The following RBM20 variants were observed in gnomAD, a reference collection of about 807,000 sequenced individuals.
RBM20 encodes the protein RNA-binding protein 20.
Under a neutral mutation model 110.1 loss-of-function variants are expected in RBM20, and 51 were observed. The observed-to-expected ratio is 0.46, with a 90% CI of 0.37 to 0.59. RBM20 has a LOEUF of 0.59. Ranked by LOEUF, RBM20 falls within the 20% of genes least tolerant of loss-of-function variation. RBM20 has a pLI of 0.00. For synonymous variants in RBM20, 589 were observed against 618.2 expected (o/e 0.95, Z 0.70); for missense variants, 1,512 against 1,574.9 (o/e 0.96, Z 0.68).
chr10:110,710,017 C>G (rs1021875976), intron 1 of RBM20, among the ~76,000 whole-genome samples: 3 of 152,196 alleles, frequency 2.0e-5, no homozygotes, highest in African/African-American at 7.2e-5. Context: ...TCCAGACCAG[C>G]TTTGCTCACA....
chr10:110,835,792 C>A, intron 13 of RBM20, 76 bp from the exon 14 acceptor site: 1 of 1,412,888 alleles, frequency 7.1e-7, no homozygotes, highest in Non-Finnish European at 9.7e-7. Context: ...ATGATTGAGG[C>A]ATGTCCGCTC....
intron 7 of RBM20, among the ~76,000 whole-genome samples, chr10:110,806,171 G>A (rs1844692038): frequency 1.3e-5 from 2 of 152,058 alleles, no homozygotes; most frequent in Admixed American, 6.5e-5. Context: ...GGGAAGCTGA[G>A]GCAGGAGAAT....
rs6585009 is a variant in RBM20 at position 110,771,200 on chromosome 10, A to C, written c.192-9601A>C. On this transcript the variant is annotated intron_variant, in intron 1 of 13. Transcript: ENST00000369519. ...GAGACAGAGTCTGGCTCTGTTGCCC[A>C]GGCTGGAGTGCAGTGGTGTGATCTC... 5.5e-3 allele frequency among the ~76,000 whole-genome samples: 833 copies of C among 151,896 alleles called. 6 individuals carry two copies. The highest frequency in any genetic ancestry group is 0.019 in the African/African-American group (796 of 41,386).
intron 5 of RBM20, among the ~76,000 whole-genome samples, chr10:110,791,546 C>A (rs1411292816): frequency 6.6e-6 from 1 of 152,200 alleles, no homozygotes; most frequent in Non-Finnish European, 1.5e-5. Flanking sequence ...CACCAAGGGG[C>A]AATGAAAGGT....
chr10:110,722,386 A>G (rs1305486880), intron 1 of RBM20, among the ~76,000 whole-genome samples: 1 of 151,346 alleles, frequency 6.6e-6, no homozygotes, highest in Non-Finnish European at 1.5e-5. Flanking sequence ...AGAGTGGTAC[A>G]GTTATTACAG....
intron 1 of RBM20, among the ~76,000 whole-genome samples, chr10:110,687,463 A>G (rs1004861546): frequency 2.0e-5 from 3 of 152,258 alleles, no homozygotes; most frequent in African/African-American, 7.2e-5. Context: ...TTAAATATAG[A>G]CATCTGATCC....
chr10:110,683,329 A>G (rs956954598), intron 1 of RBM20, among the ~76,000 whole-genome samples: 1 of 152,222 alleles, frequency 6.6e-6, no homozygotes, highest in Non-Finnish European at 1.5e-5. Context: ...TACAATTTCA[A>G]TCTACAACAC....
intron 1 of RBM20, among the ~76,000 whole-genome samples, chr10:110,669,140 A>G (rs1023284461): frequency 6.6e-6 from 1 of 152,232 alleles, no homozygotes; most frequent in Non-Finnish European, 1.5e-5. Flanking sequence ...CAGCAAAGCC[A>G]TGATGGAGAA....
chr10:110,653,613 A>G (rs1045729562), intron 1 of RBM20, among the ~76,000 whole-genome samples: 1 of 151,646 alleles, frequency 6.6e-6, no homozygotes, highest in Non-Finnish European at 1.5e-5. Flanking sequence ...GCTGGAGTAC[A>G]GGGTGCAATC....
In RBM20 at chr10:110,837,609, A is replaced by G. The variant is rs1183934707; in HGVS notation, c.*1631A>G. On this transcript the variant is annotated 3_prime_UTR_variant, in exon 14 of 14. Coordinates refer to ENST00000369519, the MANE Select transcript of RBM20 (RefSeq NM_001134363.3). ...TCCTTTTTATGGCATGTGAGAGCAT[A>G]CTGTACATTCTGTCCTCTGTACTAA... 1 of 152,204 alleles carries G rather than the reference A, an allele frequency of 6.6e-6. No homozygotes were observed. The highest frequency in any genetic ancestry group is 2.4e-5 in the African/African-American group (1 of 41,426). The allele number at this position is 152,204 out of a possible 1,614,324, so 9.4% of individuals were successfully genotyped here. A position where few individuals can be genotyped will look rare whatever the true frequency, so the allele number is the denominator to read the frequency against.
chr10:110,806,267 CAA>C (rs34718509), intron 7 of RBM20, among the ~76,000 whole-genome samples: 8 of 127,958 alleles, frequency 6.3e-5, no homozygotes, highest in African/African-American at 5.9e-5. Context: ...GACTCCGTCT[CAA>C]AAAAAAAAAA....
chr10:110,801,024 A>G (rs978873855), intron 7 of RBM20, among the ~76,000 whole-genome samples: 14 of 152,224 alleles, frequency 9.2e-5, no homozygotes, highest in Non-Finnish European at 2.1e-4. Flanking sequence ...TACATACATA[A>G]CTAAGATTGA....
intron 6 of RBM20, among the ~76,000 whole-genome samples, chr10:110,797,917 A>G (rs575156338): frequency 6.6e-6 from 1 of 152,158 alleles, no homozygotes; most frequent in Non-Finnish European, 1.5e-5. Flanking sequence ...TTCACATAGA[A>G]AGGGTAATTG....
chr10:110,805,672 GC>G (rs920908705), intron 7 of RBM20, among the ~76,000 whole-genome samples: 2 of 152,238 alleles, frequency 1.3e-5, no homozygotes, highest in Non-Finnish European at 2.9e-5. Context: ...CTAGCCAGGT[GC>G]GGGCAGGGCT....
intron 1 of RBM20, among the ~76,000 whole-genome samples, chr10:110,772,533 A>G (rs537624193): frequency 2.0e-5 from 3 of 152,306 alleles, no homozygotes; most frequent in African/African-American, 7.2e-5. Flanking sequence ...ACAAATACTC[A>G]CCATTGTGTT....
chr10:110,795,499 C>G (rs544492586), intron 5 of RBM20, among the ~76,000 whole-genome samples: 1 of 152,168 alleles, frequency 6.6e-6, no homozygotes, highest in Admixed American at 6.5e-5. Flanking sequence ...TTCTTATTGA[C>G]TGTAATTGTT....
chr10:110,765,554 G>T (rs1299920072), intron 1 of RBM20, among the ~76,000 whole-genome samples: 2 of 152,134 alleles, frequency 1.3e-5, no homozygotes, highest in African/African-American at 4.8e-5. Context: ...AACTTCTGTT[G>T]TGCGGTTCAG....
intron 1 of RBM20, among the ~76,000 whole-genome samples, chr10:110,743,815 C>A (rs2134972895): frequency 6.6e-6 from 1 of 152,246 alleles, no homozygotes; most frequent in Admixed American, 6.5e-5. Context: ...GGGGTTTCAC[C>A]ATGTTAGCCA....
chr10:110,649,823 T>C (rs905690055), intron 1 of RBM20, among the ~76,000 whole-genome samples: 1 of 152,142 alleles, frequency 6.6e-6, no homozygotes, highest in African/African-American at 2.4e-5. Context: ...ACACGGCAGT[T>C]CCCTTTCTGT....
Sources: gnomAD v4.1 joint callset for allele counts (sites outside exome capture counted in the v4.1 genomes callset) on GRCh38, gnomAD v4.1.1 for gene constraint, MANE v1.5 for transcripts, NCBI Gene and HGNC (gene_info 2026-07-23, HGNC 2026-07-21) for gene names.